MTRF1: variants seen among roughly 807,000 people sequenced by gnomAD.
The protein encoded by MTRF1 is mitochondrial translation release factor 1, also known as peptide chain release factor 1, mitochondrial.
MTRF1 carries 51 observed loss-of-function variants against 62.9 expected under a neutral mutation model. The observed-to-expected ratio is 0.81, with a 90% CI of 0.65 to 1.02. The LOEUF is 1.02. Among genes scored for constraint, MTRF1 ranks in the 50% least tolerant of loss-of-function variants. MTRF1 has a pLI of 0.00. For missense variants in MTRF1, 446 were observed against 530.0 expected, an observed-to-expected ratio of 0.84 and a Z score of 1.56; for synonymous variants, 158 against 181.9, an observed-to-expected ratio of 0.87 and a Z score of 1.06.
intron 2 of MTRF1, among the ~76,000 whole-genome samples, chr13:41,256,474 G>A (rs186160240): frequency 4.7e-4 from 72 of 152,000 alleles, no homozygotes; most frequent in Middle Eastern, 3.4e-3. Context: ...TTACAGGCGC[G>A]CACCACCACA....
intron 9 of MTRF1, among the ~76,000 whole-genome samples, chr13:41,220,323 GGAAAAAAAAAAA>G (rs2033032371): frequency 2.1e-5 from 2 of 93,326 alleles, no homozygotes; most frequent in Non-Finnish European, 4.1e-5. Flanking sequence ...AATCTGTCTC[GGAAAAAAAAAAA>G]AAAAAAAAAA....
the MTRF1 span, among the ~76,000 whole-genome samples, chr13:41,281,507 C>T: frequency 0.014 from 2,072 of 152,262 alleles, 54 homozygotes; most frequent in African/African-American, 0.046. Flanking sequence ...ATCAGACTCA[C>T]TTGCCAACCA....
chr13:41,263,661 T>A (rs2040720749), upstream of MTRF1: 1 of 168,492 alleles, frequency 5.9e-6, no homozygotes, highest in Non-Finnish European at 1.3e-5. Context: ...GGAGTTGTCC[T>A]CGAGCATGCC....
At chr13:41,273,415 C>T in the MTRF1 span, among the ~76,000 whole-genome samples, 2 of 152,074 alleles carry the variant, frequency 1.3e-5, no homozygotes, top group African/African-American at 4.8e-5. Flanking sequence ...AGACAGGTCT[C>T]GGTTAATTTA....
the MTRF1 span, among the ~76,000 whole-genome samples, chr13:41,305,283 C>G: frequency 6.6e-6 from 1 of 152,250 alleles, no homozygotes; most frequent in East Asian, 1.9e-4. Context: ...GTTTTGAACT[C>G]CCAAGCTCAA....
At chr13:41,252,491 T>C (rs919235446) in intron 5 of MTRF1, 154 bp downstream of exon 5, 21 of 516,418 alleles carry the variant, frequency 4.1e-5, no homozygotes, top group Non-Finnish European at 7.1e-5. Context: ...TCTGCTATAA[T>C]AGTAAGCCAC....
At position 41,254,022 on chromosome 13, in the gene MTRF1, G is replaced by A. The variant is rs2039404868; in HGVS notation, c.507+507C>T. On this transcript the variant is annotated intron_variant, in intron 3 of 9. Coordinates refer to ENST00000379480, the MANE Select transcript of MTRF1 (RefSeq NM_004294.4). ...TGGAAGGGAAATCTTCCATTTCCAT[G>A]TCTAGGAGATATCAGCTGATGCTGA... Among the ~76,000 whole-genome samples the A allele has an allele frequency of 3.3e-5, 5 of 152,310 alleles. No individual in the cohort carries two copies. In the South Asian group the frequency reaches 1.0e-3, roughly 32 times the overall value.
chr13:41,276,837 A>T, the MTRF1 span, among the ~76,000 whole-genome samples: 1 of 152,130 alleles, frequency 6.6e-6, no homozygotes, highest in Non-Finnish European at 1.5e-5. Flanking sequence ...TAACATCACT[A>T]TTGTAGAACC....
chr13:41,237,147 A>T (rs1195192981), intron 6 of MTRF1, among the ~76,000 whole-genome samples: 1 of 140,672 alleles, frequency 7.1e-6, no homozygotes, highest in Non-Finnish European at 1.5e-5. Flanking sequence ...TGAGCCTGGG[A>T]GGCAGAGGTT....
the MTRF1 span, among the ~76,000 whole-genome samples, chr13:41,275,822 A>G: frequency 1.3e-5 from 2 of 152,148 alleles, no homozygotes; most frequent in East Asian, 3.8e-4. Context: ...TTATTTTCAC[A>G]TTGAAAATCA....
chr13:41,232,688 T>C (rs948306614), intron 7 of MTRF1, among the ~76,000 whole-genome samples: 1 of 152,096 alleles, frequency 6.6e-6, no homozygotes, highest in Non-Finnish European at 1.5e-5. Flanking sequence ...AAAGATGATA[T>C]AGAACCCAAG....
chr13:41,251,141 G>A (rs1227168823), intron 5 of MTRF1, among the ~76,000 whole-genome samples: 3 of 152,034 alleles, frequency 2.0e-5, no homozygotes, highest in African/African-American at 7.2e-5. Context: ...AAGACATACT[G>A]GATAAACAAC....
intron 1 of MTRF1, chr13:41,261,732 G>A (rs980304115): frequency 2.2e-6 from 2 of 913,212 alleles, no homozygotes; most frequent in African/African-American, 3.6e-5. Context: ...GACAGAGCTG[G>A]TATTAGAATG....
intron 5 of MTRF1, among the ~76,000 whole-genome samples, chr13:41,249,747 C>T (rs1445031614): frequency 6.7e-6 from 1 of 149,384 alleles, no homozygotes; most frequent in East Asian, 2.0e-4. Context: ...ATGCCTCAGC[C>T]TCCCAAGAAG....
chr13:41,279,860 A>G, the MTRF1 span, among the ~76,000 whole-genome samples: 1 of 152,138 alleles, frequency 6.6e-6, no homozygotes, highest in African/African-American at 2.4e-5. Context: ...GATAAGAAAC[A>G]TTTTACAATC....
chr13:41,273,279 T>G, the MTRF1 span, among the ~76,000 whole-genome samples: 32 of 149,460 alleles, frequency 2.1e-4, no homozygotes, highest in Middle Eastern at 3.6e-3. Flanking sequence ...TGAGCCGAGA[T>G]CGCGCCACTG....
At chr13:41,285,551 C>T in the MTRF1 span, among the ~76,000 whole-genome samples, 1 of 152,176 alleles carries the variant, frequency 6.6e-6, no homozygotes, top group Non-Finnish European at 1.5e-5. Flanking sequence ...AATCAATAAA[C>T]TTCCCATCTT....
intron 2 of MTRF1, among the ~76,000 whole-genome samples, chr13:41,259,372 T>G (rs1184150611): frequency 6.6e-6 from 1 of 152,192 alleles, no homozygotes. Context: ...ATGTGGTATA[T>G]CCATACAATG....
intron 7 of MTRF1, among the ~76,000 whole-genome samples, chr13:41,232,422 G>T (rs955487693): frequency 4.6e-5 from 7 of 152,144 alleles, no homozygotes; most frequent in Admixed American, 6.5e-5. Flanking sequence ...AAAATGTTAT[G>T]CAAGAAAGTA....
Sources: allele counts gnomAD v4.1 joint callset (sites outside exome capture counted in the v4.1 genomes callset), GRCh38; gene constraint gnomAD v4.1.1; transcripts MANE v1.5; gene names NCBI Gene and HGNC (gene_info 2026-07-23, HGNC 2026-07-21).